Variants in ERC1 observed in about 807,000 individuals in gnomAD.
ERC1 encodes the protein ELKS/RAB6-interacting/CAST family member 1.
A neutral mutation model predicts 132.0 loss-of-function variants in ERC1; 56 were observed. The observed-to-expected ratio is 0.42, with a 90% CI of 0.34 to 0.53. The LOEUF is 0.53. Among genes scored for constraint, ERC1 ranks in the 20% least tolerant of loss-of-function variants. ERC1 has a pLI of 0.03. For synonymous variants in ERC1, 478 were observed against 476.1 expected (o/e 1.00, Z -0.05); for missense variants, 1,202 against 1,349.9 (o/e 0.89, Z 1.72).
chr12:1,168,372 C>T (rs961715633), intron 8 of ERC1, among the ~76,000 whole-genome samples: 6 of 151,954 alleles, frequency 3.9e-5, no homozygotes, highest in Admixed American at 6.6e-5. Flanking sequence ...GATCTACCCG[C>T]GTCAGCCTTA....
At chr12:1,366,130 T>G (rs1485378932) in intron 15 of ERC1, among the ~76,000 whole-genome samples, 2 of 152,046 alleles carry the variant, frequency 1.3e-5, no homozygotes, top group African/African-American at 4.8e-5. Flanking sequence ...GTTCTGGAGG[T>G]TGGTCGCAGA....
chr12:1,051,722 T>C (rs918857477), intron 2 of ERC1, among the ~76,000 whole-genome samples: 4 of 152,056 alleles, frequency 2.6e-5, no homozygotes, highest in East Asian at 1.9e-4. Context: ...CTGTCTCTTA[T>C]AACAAGAATG....
intron 14 of ERC1, among the ~76,000 whole-genome samples, chr12:1,275,006 G>A (rs2078163765): frequency 6.6e-6 from 1 of 152,192 alleles, no homozygotes; most frequent in Non-Finnish European, 1.5e-5. Context: ...TAGCTCTATG[G>A]ATAGTAGGTG....
rs2094304430 is a variant in ERC1, at chr12:1,490,159, C to T, written c.3280C>T (p.Leu1094Phe). ...AELQEFANAI[L>F]QQIADHCPDI... is the part of the protein sequence containing the mutation. ...ACTGCAGGAGTTTGCCAACGCCATT[C>T]TTCAGCAGATAGCAGACCATTGTCC... The change falls in exon 19 of 19, where the codon CTT (leucine) becomes TTT (phenylalanine). Residue 1094 changes from leucine to phenylalanine, a missense_variant. Coordinates refer to ENST00000360905, the MANE Select transcript of ERC1 (RefSeq NM_178040.4). The T allele has an allele frequency of 6.2e-7, 1 of 1,614,216 alleles. No homozygotes were observed. Among genetic ancestry groups the T allele is most frequent in the Non-Finnish European group, 8.5e-7 (1 of 1,180,036 alleles).
chr12:1,373,318 T>C (rs928132718), intron 16 of ERC1, among the ~76,000 whole-genome samples: 1 of 152,228 alleles, frequency 6.6e-6, no homozygotes, highest in East Asian at 1.9e-4. Flanking sequence ...ATATCACTTA[T>C]CTTAAGTAGT....
At chr12:1,215,195 T>A (rs1372239219) in intron 12 of ERC1, among the ~76,000 whole-genome samples, 1 of 152,242 alleles carries the variant, frequency 6.6e-6, no homozygotes, top group African/African-American at 2.4e-5. Flanking sequence ...GTATTACTGT[T>A]ATAATTGTCA....
rs543586337 is a variant in ERC1 at position 1,412,400 on chromosome 12, A to G, written c.3024+4153A>G. 2.6e-5 allele frequency among the ~76,000 whole-genome samples: 4 copies of G among 152,366 alleles called. No individual in the cohort carries two copies. In the South Asian group the frequency reaches 8.3e-4, roughly 32 times the overall value. Reference sequence around the variant, plus strand: ...TAGATGGGAAGAGAATCACAGATGTACTGAGCTGAAAAGGATTCTGGAGTT... The same window carrying G: ...TAGATGGGAAGAGAATCACAGATGTGCTGAGCTGAAAAGGATTCTGGAGTT... On this transcript the variant is annotated intron_variant, in intron 17 of 18. Coordinates refer to ENST00000360905, the MANE Select transcript of ERC1 (RefSeq NM_178040.4).
At chr12:1,172,715 A>C (rs761512056) in intron 8 of ERC1, among the ~76,000 whole-genome samples, 20 of 152,158 alleles carry the variant, frequency 1.3e-4, no homozygotes, top group Non-Finnish European at 2.2e-4. Flanking sequence ...CAAAAAAAAA[A>C]CCCATGGGAT....
In ERC1 at chr12:1,012,368, A is replaced by G. The variant is rs534478683; in HGVS notation, c.-156-15380A>G. ...TGATGTAATTAATATCTGTGTATCT[A>G]CCACCTAGCTTAAGAAATAAACAGT... On this transcript the variant is annotated intron_variant, in intron 1 of 18. Coordinates refer to ENST00000360905, the MANE Select transcript of ERC1 (RefSeq NM_178040.4). 6.6e-5 allele frequency among the ~76,000 whole-genome samples: 10 copies of G among 152,320 alleles called. No individual in the cohort carries two copies. The East Asian group carries it at 9.6e-4, about 15-fold the overall frequency.
chr12:1,178,011 C>A (rs929070894), intron 8 of ERC1, among the ~76,000 whole-genome samples: 1 of 152,162 alleles, frequency 6.6e-6, no homozygotes, highest in Non-Finnish European at 1.5e-5. Flanking sequence ...CTCGGATGAA[C>A]TCAGTTCTTA....
At chr12:1,166,239 C>T (rs553626684) in intron 8 of ERC1, among the ~76,000 whole-genome samples, 4 of 152,244 alleles carry the variant, frequency 2.6e-5, no homozygotes, top group Admixed American at 6.5e-5. Context: ...GGGTCTTTCT[C>T]GTGCTGTTCT....
chr12:1,221,771 A>G (rs1959006348), intron 12 of ERC1, among the ~76,000 whole-genome samples: 1 of 152,172 alleles, frequency 6.6e-6, no homozygotes, highest in African/African-American at 2.4e-5. Context: ...GTATTATAAA[A>G]TTTTATGTCT....
intron 15 of ERC1, among the ~76,000 whole-genome samples, chr12:1,324,988 A>T (rs2082350004): frequency 6.6e-6 from 1 of 152,206 alleles, no homozygotes; most frequent in Admixed American, 6.5e-5. Context: ...AATTACTGGA[A>T]GTGTGTTAAA....
chr12:1,234,678 G>A (rs1309185466), intron 12 of ERC1, among the ~76,000 whole-genome samples: 3 of 152,158 alleles, frequency 2.0e-5, no homozygotes, highest in East Asian at 3.8e-4. Flanking sequence ...AGGGAGCCTT[G>A]CCTTGCTAAT....
intron 12 of ERC1, among the ~76,000 whole-genome samples, chr12:1,230,680 G>A (rs1236253287): frequency 6.6e-6 from 1 of 152,106 alleles, no homozygotes; most frequent in Non-Finnish European, 1.5e-5. Context: ...GTCCTCTCTT[G>A]TTATTGTATT....
At chr12:1,174,478 T>C (rs1953463628) in intron 8 of ERC1, among the ~76,000 whole-genome samples, 1 of 152,260 alleles carries the variant, frequency 6.6e-6, no homozygotes, top group South Asian at 2.1e-4. Flanking sequence ...GCATTTTACC[T>C]GTTTCAGCAG....
chr12:1,012,160 A>G (rs1248992346), intron 1 of ERC1, among the ~76,000 whole-genome samples: 28 of 152,184 alleles, frequency 1.8e-4, no homozygotes, highest in Admixed American at 1.8e-3. Flanking sequence ...TCCTGTTCAT[A>G]GAATTACTGG....
chr12:1,264,836 A>G (rs1566428649), intron 14 of ERC1, among the ~76,000 whole-genome samples: 1 of 152,140 alleles, frequency 6.6e-6, no homozygotes, highest in Non-Finnish European at 1.5e-5. Context: ...TGGTCAGACC[A>G]AGGTGTTATT....
chr12:1,216,227 A>G, intron 12 of ERC1, among the ~76,000 whole-genome samples: 1 of 152,128 alleles, frequency 6.6e-6, no homozygotes, highest in East Asian at 1.9e-4. Flanking sequence ...ATAGTATTCT[A>G]CCCATTTGAT....
Sources: gnomAD v4.1 joint callset for allele counts (sites outside exome capture counted in the v4.1 genomes callset) on GRCh38, gnomAD v4.1.1 for gene constraint, MANE v1.5 for transcripts, NCBI Gene and HGNC (gene_info 2026-07-23, HGNC 2026-07-21) for gene names.